IQSEC1: variants seen among roughly 807,000 people sequenced by gnomAD.
IQSEC1 encodes the protein IQ motif and SEC7 domain-containing protein 1.
Under a neutral mutation model 91.0 loss-of-function variants are expected in IQSEC1, and 31 were observed. The ratio of observed to expected loss-of-function variants is 0.34; its 90% CI spans 0.26 to 0.46. The LOEUF is 0.46. Ranked by LOEUF, IQSEC1 falls within the 20% of genes least tolerant of loss-of-function variation. The probability of loss-of-function intolerance (pLI) is 1.00; values close to 1 mark genes in which losing one functional copy is unlikely to be tolerated. For synonymous variants in IQSEC1, 699 were observed against 662.6 expected (o/e 1.05, Z -0.84); for missense variants, 1,388 against 1,575.6 (o/e 0.88, Z 2.02).
At position 12,901,408 on chromosome 3, in the gene IQSEC1, C is replaced by T. The variant is rs545063086; in HGVS notation, c.2920G>A (p.Gly974Arg). The change falls in exon 14 of 14, where the codon GGG (glycine) becomes AGG (arginine). Residue 974 changes from glycine to arginine, a missense_variant. This residue lies in a region of IQSEC1 where 329 missense variants were observed against 257.8 expected (regional missense o/e 1.28). Coordinates refer to ENST00000613206, the MANE Select transcript of IQSEC1 (RefSeq NM_001134382.3). The part of the protein sequence containing the change: ...NSSSLLGSLF[G>R]SKRGKPPPQA... ...GGAGGGGGCTTCCCTCTCTTGCTCC[C>T]GAATAAGGAGCCCAGGAGGGAAGAT... The T allele has an allele frequency of 3.4e-5, 53 of 1,545,006 alleles. No homozygotes were observed. Among genetic ancestry groups the T allele is most frequent in the South Asian group, 9.5e-5 (8 of 83,992 alleles).
In IQSEC1 at chr3:13,282,340, C is replaced by G. The variant is rs357115; in HGVS notation, c.272+371G>C. ...TCGGGATCTCTGGGTCGGAAGTTCT[C>G]GCCCTGCTGCTCCGAGACCTAGGTC... On this transcript the variant is annotated intron_variant, in intron 1 of 15. Transcript: ENST00000648114. This position sits in a 1 kb window ranked among gnomAD's most constrained non-coding sequence, Gnocchi z 6.4. 0.71 allele frequency among the ~76,000 whole-genome samples: 107,173 copies of G among 151,938 alleles called. 38,378 individuals are homozygous for G. Among genetic ancestry groups the G allele is most frequent in the East Asian group, 0.97 (4,916 of 5,082 alleles).
chr3:12,993,015 C>T (rs955831608), intron 1 of IQSEC1, among the ~76,000 whole-genome samples: 1 of 152,108 alleles, frequency 6.6e-6, no homozygotes, highest in East Asian at 1.9e-4. Context: ...CTCTAAGACC[C>T]TGGCCCAGGA....
chr3:13,240,731 C>G (rs116351707), intron 1 of IQSEC1, among the ~76,000 whole-genome samples: 1 of 152,170 alleles, frequency 6.6e-6, no homozygotes, highest in African/African-American at 2.4e-5. Context: ...GAAATGCTCA[C>G]AGCTGAATTG....
intron 1 of IQSEC1, among the ~76,000 whole-genome samples, chr3:13,253,958 A>C (rs1695243312): frequency 6.6e-6 from 1 of 152,172 alleles, no homozygotes. Flanking sequence ...ATAGCTGCAC[A>C]TGCCTGACTG....
In IQSEC1 at chr3:13,221,915, C is replaced by A. The variant is rs1373571157; in HGVS notation, c.273-57782G>T. 3.9e-5 allele frequency among the ~76,000 whole-genome samples: 6 copies of A among 152,346 alleles called. No individual in the cohort carries two copies. The East Asian group carries it at 7.7e-4, about 20-fold the overall frequency. The stretch of plus-strand genomic sequence containing the variant: ...GCCAGTTTCCTCAACCATGACCAGG[C>A]CCGCCTGGAGATGGTAGCCGCGGAG... On this transcript the variant is annotated intron_variant, in intron 1 of 15. Coordinates refer to the IQSEC1 transcript ENST00000648114.
intron 1 of IQSEC1, among the ~76,000 whole-genome samples, chr3:13,268,252 TC>T (rs1695531190): frequency 6.6e-6 from 1 of 152,234 alleles, no homozygotes; most frequent in African/African-American, 2.4e-5. Flanking sequence ...CAGGTCCATG[TC>T]TGGTCCTTGC....
At chr3:13,209,600 C>CA (rs1443838081) in intron 1 of IQSEC1, among the ~76,000 whole-genome samples, 6 of 152,182 alleles carry the variant, frequency 3.9e-5, no homozygotes, top group Non-Finnish European at 8.8e-5. Context: ...GGGCTAGGCT[C>CA]TCCCTGCAGC....
At chr3:13,005,301 C>T (rs765284509) in intron 1 of IQSEC1, among the ~76,000 whole-genome samples, 1 of 152,180 alleles carries the variant, frequency 6.6e-6, no homozygotes, top group Non-Finnish European at 1.5e-5. Flanking sequence ...GAGGCCTGTA[C>T]TGCTGGACCT....
intron 1 of IQSEC1, among the ~76,000 whole-genome samples, chr3:13,181,603 G>C (rs1265432930): frequency 6.6e-6 from 1 of 152,200 alleles, no homozygotes. Flanking sequence ...TGAGTTTACA[G>C]TCTAGCCAGG....
intron 1 of IQSEC1, among the ~76,000 whole-genome samples, chr3:12,974,047 C>A (rs1479339532): frequency 2.6e-5 from 4 of 152,184 alleles, no homozygotes; most frequent in Non-Finnish European, 4.4e-5. Flanking sequence ...AACGGACTCA[C>A]CTGCTGAGGA....
At chr3:12,991,448 C>T (rs1025510684) in intron 1 of IQSEC1, among the ~76,000 whole-genome samples, 7 of 152,334 alleles carry the variant, frequency 4.6e-5, no homozygotes, top group African/African-American at 9.6e-5. Flanking sequence ...CCAGTCTACA[C>T]GGACCTCACC....
chr3:12,971,842 C>T (rs902869995), intron 1 of IQSEC1, among the ~76,000 whole-genome samples: 7 of 152,002 alleles, frequency 4.6e-5, no homozygotes, highest in Non-Finnish European at 8.8e-5. Flanking sequence ...GCCAACATGG[C>T]GAAACCCCAT....
intron 1 of IQSEC1, among the ~76,000 whole-genome samples, chr3:13,031,880 G>A (rs1003491553): frequency 5.3e-5 from 8 of 152,092 alleles, no homozygotes; most frequent in African/African-American, 1.9e-4. Flanking sequence ...GGTGGAGGAG[G>A]TCTAGGGTAG....
intron 1 of IQSEC1, among the ~76,000 whole-genome samples, chr3:13,169,270 C>T (rs534453562): frequency 6.6e-6 from 1 of 152,336 alleles, no homozygotes; most frequent in South Asian, 2.1e-4. Flanking sequence ...CAAGCTCTGT[C>T]TTTGCCTGAC....
chr3:13,183,750 T>TA (rs1693885248), intron 1 of IQSEC1, among the ~76,000 whole-genome samples: 1 of 152,200 alleles, frequency 6.6e-6, no homozygotes, highest in African/African-American at 2.4e-5. Flanking sequence ...GGTTGGTTGT[T>TA]AAACACTTGA....
chr3:12,902,940 C>T, intron 12 of IQSEC1, 118 bp from the exon 13 acceptor site: 1 of 775,830 alleles, frequency 1.3e-6, no homozygotes, highest in Non-Finnish European at 2.3e-6. Context: ...GGCACAGGTG[C>T]CGGGCCCACC....
At chr3:13,093,740 G>A (rs571225249) in intron 2 of IQSEC1, among the ~76,000 whole-genome samples, 1 of 152,288 alleles carries the variant, frequency 6.6e-6, no homozygotes, top group Admixed American at 6.5e-5. Context: ...TACACAGTTG[G>A]ATCCACTGTC....
chr3:13,125,803 C>T (rs903508196), intron 2 of IQSEC1, among the ~76,000 whole-genome samples: 9 of 152,188 alleles, frequency 5.9e-5, no homozygotes, highest in South Asian at 2.1e-4. Context: ...GGAAAAACAA[C>T]GGGACAAGGA....
intron 1 of IQSEC1, among the ~76,000 whole-genome samples, chr3:13,167,437 C>A (rs1469015852): frequency 6.6e-6 from 1 of 152,204 alleles, no homozygotes; most frequent in South Asian, 2.1e-4. Flanking sequence ...CTGCCTCCAG[C>A]AATCTTATAC....
Sources: gnomAD v4.1 joint callset for allele counts (sites outside exome capture counted in the v4.1 genomes callset) on GRCh38, gnomAD v4.1.1 for gene constraint, gnomAD v4.1.1 regional missense constraint, Gnocchi (gnomAD v3.1) non-coding constraint, MANE v1.5 for transcripts, NCBI Gene and HGNC (gene_info 2026-07-23, HGNC 2026-07-21) for gene names.